The following FAM13B variants were observed in gnomAD, a reference collection of about 807,000 sequenced individuals.
The protein encoded by FAM13B is family with sequence similarity 13 member B, also known as protein FAM13B.
In FAM13B, 60 loss-of-function variants were observed where a neutral mutation model predicts 117.3. The observed-to-expected ratio is 0.51, with a 90% CI of 0.42 to 0.63. The LOEUF is 0.63. FAM13B is among the 30% of genes least tolerant of loss of function. The pLI, the probability that FAM13B is intolerant of heterozygous loss-of-function variation, is 0.00. For missense variants in FAM13B, 972 were observed against 1,091.9 expected, an observed-to-expected ratio of 0.89 and a Z score of 1.55; for synonymous variants, 332 against 356.1, an observed-to-expected ratio of 0.93 and a Z score of 0.76.
rs1777527638 is a variant in FAM13B at position 137,987,460 on chromosome 5, C to A, written c.1046+1G>T. On this transcript the variant is annotated splice_donor_variant, in intron 9 of 23. Transcript: ENST00000689681. LOFTEE classifies it high-confidence loss of function. ...ATAAACAACAGTAAAATGTTTCTTA[C>A]TGGTTATTAGATCCTTCCCCATCAC... 5.6e-6 allele frequency: 9 copies of A among 1,604,382 alleles called. No homozygotes were observed. Among genetic ancestry groups the A allele is most frequent in the Non-Finnish European group, 7.7e-6 (9 of 1,175,920 alleles).
chr5:138,034,995 C>CTTTTTTTTTTTTTTTTTTTTTTTTTTTTT (rs557807234), upstream of FAM13B, among the ~76,000 whole-genome samples: 10 of 34,378 alleles, frequency 2.9e-4, 3 homozygotes, highest in East Asian at 2.9e-3. Flanking sequence ...ATTCCCTTGC[C>CTTTTTTTTTTTTTTTTTTTTTTTTTTTTT]TTTTTTTTTT....
intron 6 of FAM13B, among the ~76,000 whole-genome samples, chr5:138,009,854 G>A (rs982368273): frequency 3.3e-5 from 5 of 150,488 alleles, no homozygotes; most frequent in Non-Finnish European, 7.4e-5. Context: ...TATTGTGGTT[G>A]ATTAATAAAA....
chr5:137,940,124 G>A lies in FAM13B; in HGVS notation c.*101C>T, dbSNP rs1266807055. 2 of 1,613,938 alleles carry A rather than the reference G, an allele frequency of 1.2e-6. No homozygotes were observed. The highest frequency in any genetic ancestry group is 1.7e-6 in the Non-Finnish European group (2 of 1,179,944). Reference sequence around the variant, plus strand: ...AACCAAGTACAAAATGAGATTCTCTGAGTGCCTGACAAAACGAATTTAAGT... The same window carrying A: ...AACCAAGTACAAAATGAGATTCTCTAAGTGCCTGACAAAACGAATTTAAGT... On this transcript the variant is annotated 3_prime_UTR_variant, in exon 24 of 24. Transcript: ENST00000689681.
intron 7 of FAM13B, among the ~76,000 whole-genome samples, chr5:137,994,856 T>C (rs1018532942): frequency 1.2e-4 from 18 of 152,246 alleles, no homozygotes; most frequent in African/African-American, 4.3e-4. Context: ...AGATCAATCT[T>C]GCAACCACTT....
chr5:137,944,750 T>C (rs1391677773), intron 20 of FAM13B, among the ~76,000 whole-genome samples: 2 of 94,208 alleles, frequency 2.1e-5, no homozygotes, highest in Non-Finnish European at 4.2e-5. Context: ...AGAGCGAGAC[T>C]CCATCTCAAA....
chr5:137,987,646 A>T (rs753840571), intron 8 of FAM13B, 30 bp from the exon 9 acceptor site: 22 of 1,595,600 alleles, frequency 1.4e-5, no homozygotes, highest in Non-Finnish European at 1.8e-5. Context: ...AGTAAGAAGC[A>T]GTCACTCTAA....
At chr5:138,048,809 T>C (rs1791713599) in intron 1 of FAM13B, among the ~76,000 whole-genome samples, 2 of 152,216 alleles carry the variant, frequency 1.3e-5, no homozygotes, top group African/African-American at 4.8e-5. Context: ...TTTTTAAAAG[T>C]ATTCAGCAAT....
At chr5:137,961,356 C>T (rs1171419564) in intron 11 of FAM13B, among the ~76,000 whole-genome samples, 2 of 149,384 alleles carry the variant, frequency 1.3e-5, no homozygotes, top group Non-Finnish European at 3.0e-5. Flanking sequence ...ACAGAAGAGT[C>T]CTCACTAAAT....
intron 7 of FAM13B, among the ~76,000 whole-genome samples, chr5:137,996,812 C>T (rs776520317): frequency 3.9e-5 from 6 of 152,050 alleles, no homozygotes; most frequent in Non-Finnish European, 7.4e-5. Context: ...AGGCTGGTCT[C>T]GAACTCCTGA....
intron 1 of FAM13B, among the ~76,000 whole-genome samples, chr5:138,031,999 T>A (rs1448933318): frequency 1.3e-5 from 2 of 152,196 alleles, no homozygotes; most frequent in African/African-American, 4.8e-5. Flanking sequence ...TCCTTCAAAG[T>A]AAATGCCCAA....
At chr5:137,942,066 T>C in intron 22 of FAM13B, 21 bp from the exon 23 acceptor site, 1 of 1,566,534 alleles carries the variant, frequency 6.4e-7, no homozygotes, top group Non-Finnish European at 8.8e-7. Context: ...AATGGTAAAA[T>C]ACTGAAGGGC....
At chr5:138,042,423 C>T (rs1791524134) in intron 1 of FAM13B, among the ~76,000 whole-genome samples, 1 of 152,142 alleles carries the variant, frequency 6.6e-6, no homozygotes, top group Admixed American at 6.5e-5. Flanking sequence ...GGAAGTTGCA[C>T]ATATATGTTC....
chr5:137,949,132 A>T lies in FAM13B; in HGVS notation c.1983T>A (p.Arg661=). 6.2e-7 allele frequency: 1 copy of T among 1,614,140 alleles called. No individual in the cohort carries two copies. Residue 661 remains arginine, a synonymous_variant, in exon 18 of 24, where the codon CGT becomes CGA. Transcript: ENST00000689681. ...DGEFVPQTRP[R]SNTLPKSFGS... is the part of the protein sequence containing the mutation. ...CAAAGCTTTTTGGAAGTGTGTTACT[A>T]CGTGGACGTGTCTGAGGTACAAATT...
chr5:138,046,589 T>A (rs1207980045), intron 1 of FAM13B, among the ~76,000 whole-genome samples: 1 of 152,220 alleles, frequency 6.6e-6, no homozygotes, highest in Admixed American at 6.5e-5. Context: ...ACAGGAAGTG[T>A]AAGTGGTAGT....
At chr5:137,983,253 T>C (rs951540763) in intron 10 of FAM13B, among the ~76,000 whole-genome samples, 2 of 141,592 alleles carry the variant, frequency 1.4e-5, no homozygotes, top group African/African-American at 2.7e-5. Flanking sequence ...GAAAAAAGTA[T>C]ATCAAGGTAG....
chr5:138,023,579 G>C (rs1281124884), intron 1 of FAM13B, among the ~76,000 whole-genome samples: 1 of 152,030 alleles, frequency 6.6e-6, no homozygotes, highest in South Asian at 2.1e-4. Context: ...CGCTCAAACT[G>C]GCCATAGTCT....
At chr5:137,980,145 C>T (rs1442462524) in intron 10 of FAM13B, among the ~76,000 whole-genome samples, 1 of 150,442 alleles carries the variant, frequency 6.6e-6, no homozygotes, top group Non-Finnish European at 1.5e-5. Context: ...TGCACTCTAG[C>T]CGGGGCGACA....
intron 4 of FAM13B, among the ~76,000 whole-genome samples, chr5:138,017,747 A>C (rs1785614185): frequency 6.6e-6 from 1 of 152,172 alleles, no homozygotes. Flanking sequence ...CACCAAAAAA[A>C]CCTAACAAAG....
At chr5:137,960,843 T>A (rs1767929752) in intron 11 of FAM13B, among the ~76,000 whole-genome samples, 1 of 152,200 alleles carries the variant, frequency 6.6e-6, no homozygotes, top group African/African-American at 2.4e-5. Context: ...CTGTCGTAAG[T>A]GATCTGTACC....
Sources: gnomAD v4.1 joint callset for allele counts (sites outside exome capture counted in the v4.1 genomes callset) on GRCh38, gnomAD v4.1.1 for gene constraint, MANE v1.5 for transcripts, NCBI Gene and HGNC (gene_info 2026-07-23, HGNC 2026-07-21) for gene names.